The following GBF1 variants were observed in gnomAD, a reference collection of about 807,000 sequenced individuals.
GBF1 encodes Golgi-specific brefeldin A-resistance guanine nucleotide exchange factor 1.
GBF1 carries 114 observed loss-of-function variants against 210.5 expected under a neutral mutation model. The observed-to-expected ratio is 0.54, with a 90% CI of 0.47 to 0.63. GBF1 has a LOEUF of 0.63. Ranked by LOEUF, GBF1 falls within the 30% of genes least tolerant of loss-of-function variation. GBF1 has a pLI of 0.00. For missense variants in GBF1, 1,851 were observed against 2,357.7 expected (o/e 0.79, Z 4.45); for synonymous variants, 850 against 889.2 (o/e 0.96, Z 0.78).
intron 3 of GBF1, among the ~76,000 whole-genome samples, chr10:102,292,641 T>G (rs1283992173): frequency 6.6e-6 from 1 of 152,222 alleles, no homozygotes; most frequent in African/African-American, 2.4e-5. Context: ...GTGCTGGGAT[T>G]GCAGGCATGA....
intron 29 of GBF1, among the ~76,000 whole-genome samples, chr10:102,371,665 A>G (rs1429351701): frequency 1.3e-5 from 2 of 152,220 alleles, no homozygotes; most frequent in African/African-American, 4.8e-5. Flanking sequence ...GCTGTGGTTC[A>G]TGCCTGTAAT....
chr10:102,236,120 G>A, the GBF1 span, among the ~76,000 whole-genome samples: 1 of 152,198 alleles, frequency 6.6e-6, no homozygotes, highest in Non-Finnish European at 1.5e-5. Flanking sequence ...ACTCACGTCC[G>A]GGTGGGCTGG....
intron 33 of GBF1, among the ~76,000 whole-genome samples, chr10:102,378,855 G>A (rs540925348): frequency 6.6e-6 from 1 of 152,100 alleles, no homozygotes; most frequent in African/African-American, 2.4e-5. Context: ...GATCACCTGA[G>A]CCCAGGAGTT....
At chr10:102,358,314 T>C in intron 9 of GBF1, 128 bp downstream of exon 9, 1 of 933,510 alleles carries the variant, frequency 1.1e-6, no homozygotes, top group South Asian at 1.6e-5. Flanking sequence ...AAAGGGAAAC[T>C]CCAGGTCAAA....
chr10:102,356,050 G>A (rs1374043364), intron 8 of GBF1, among the ~76,000 whole-genome samples: 3 of 152,192 alleles, frequency 2.0e-5, no homozygotes, highest in Admixed American at 2.0e-4. Context: ...TATAAATCCA[G>A]TATGAGGCTG....
At chr10:102,336,370 C>A (rs1367341162) in intron 3 of GBF1, among the ~76,000 whole-genome samples, 1 of 150,320 alleles carries the variant, frequency 6.7e-6, no homozygotes, top group African/African-American at 2.4e-5. Flanking sequence ...CACTGGACTG[C>A]TGTGACTCTA....
At chr10:102,234,951 G>A in the GBF1 span, among the ~76,000 whole-genome samples, 2 of 152,180 alleles carry the variant, frequency 1.3e-5, no homozygotes, top group East Asian at 3.8e-4. Flanking sequence ...TTCAGGCTGC[G>A]TGTTCCCAGA....
Position 102,360,382 on chromosome 10 carries a change from G to A in GBF1, c.1379G>A (p.Arg460His), listed in dbSNP as rs187230639. ...GGCCTCATCAAGGATGAGATGTGCC[G>A]TCACTTATTCCAGGTAAGACAAGAT... ...LLGLIKDEMC[R>H]HLFQLLSIER... is the part of the protein sequence containing the mutation. Residue 460 changes from arginine to histidine, a missense_variant, in exon 12 of 40, where the codon CGT (arginine) becomes CAT (histidine). Physicochemically the swap from Arg to His is conservative, Grantham distance 29 (BLOSUM62 0). This residue lies in a region of GBF1 where 804 missense variants were observed against 958.6 expected (regional missense o/e 0.84). Transcript: ENST00000369983. 3.0e-4 allele frequency: 483 copies of A among 1,607,372 alleles called. 1 individual carries two copies. Among genetic ancestry groups the A allele is most frequent in the Middle Eastern group, 5.0e-4 (3 of 6,054 alleles).
At chr10:102,328,972 A>G (rs1421978635) in intron 3 of GBF1, among the ~76,000 whole-genome samples, 1 of 152,188 alleles carries the variant, frequency 6.6e-6, no homozygotes, top group East Asian at 1.9e-4. Context: ...TCTGTTGTCA[A>G]GTATACCAAC....
chr10:102,275,002 G>A (rs1002994384), intron 3 of GBF1, among the ~76,000 whole-genome samples: 54 of 146,062 alleles, frequency 3.7e-4, no homozygotes, highest in Non-Finnish European at 5.8e-4. Context: ...GTGATCCACC[G>A]CGCCAGGACT....
At chr10:102,281,346 C>T (rs1271116027) in intron 3 of GBF1, among the ~76,000 whole-genome samples, 1 of 152,156 alleles carries the variant, frequency 6.6e-6, no homozygotes, top group Non-Finnish European at 1.5e-5. Flanking sequence ...GCACTTAACT[C>T]TTCAAGTGAT....
At chr10:102,270,738 A>G (rs955809788) in intron 3 of GBF1, among the ~76,000 whole-genome samples, 50 of 152,336 alleles carry the variant, frequency 3.3e-4, no homozygotes, top group African/African-American at 1.1e-3. Flanking sequence ...ATTCTAGTTA[A>G]TATCCAGTTC....
At chr10:102,359,228 C>T (rs746682953) in intron 10 of GBF1, 39 bp from the exon 11 acceptor site, 6 of 1,489,706 alleles carry the variant, frequency 4.0e-6, no homozygotes, top group Non-Finnish European at 5.6e-6. Context: ...TTGCTCTTGC[C>T]TCATCCCTCT....
intron 1 of GBF1, among the ~76,000 whole-genome samples, chr10:102,250,342 C>T (rs1328075900): frequency 2.6e-5 from 4 of 151,786 alleles, no homozygotes; most frequent in African/African-American, 7.3e-5. Context: ...ACTATAGGTG[C>T]GTGCCACCAC....
intron 8 of GBF1, among the ~76,000 whole-genome samples, chr10:102,356,582 G>A (rs1000966095): frequency 2.0e-5 from 3 of 152,006 alleles, no homozygotes; most frequent in East Asian, 1.9e-4. Flanking sequence ...TGGCTAGCAC[G>A]GTGAAACCCC....
At chr10:102,290,619 T>C (rs2076355679) in intron 3 of GBF1, among the ~76,000 whole-genome samples, 1 of 152,154 alleles carries the variant, frequency 6.6e-6, no homozygotes, top group Non-Finnish European at 1.5e-5. Flanking sequence ...CATCTCAGCC[T>C]CCCTGAGTAG....
At chr10:102,258,854 G>A (rs1370150789) in intron 1 of GBF1, 75 bp from the exon 2 acceptor site, 2 of 758,436 alleles carry the variant, frequency 2.6e-6, no homozygotes, top group Admixed American at 1.8e-5. Context: ...ACCTTATCAG[G>A]TACTGATTTT....
At chr10:102,316,084 C>CTTT (rs912378779) in intron 3 of GBF1, among the ~76,000 whole-genome samples, 14 of 133,098 alleles carry the variant, frequency 1.1e-4, no homozygotes, top group Non-Finnish European at 1.6e-4. Context: ...CTTCCCTCCA[C>CTTT]TTTTTTTTTT....
chr10:102,375,276 C>T, intron 29 of GBF1, 83 bp from the exon 30 acceptor site: 2 of 814,340 alleles, frequency 2.5e-6, no homozygotes, highest in Non-Finnish European at 4.3e-6. Context: ...CCTAAGGAGA[C>T]TGGTGGGAAA....
Sources: allele counts gnomAD v4.1 joint callset (sites outside exome capture counted in the v4.1 genomes callset), GRCh38; gene constraint gnomAD v4.1.1; regional missense constraint gnomAD v4.1.1; transcripts MANE v1.5; gene names NCBI Gene and HGNC (gene_info 2026-07-23, HGNC 2026-07-21).